The following CFAP77 variants were observed in gnomAD, a reference collection of about 807,000 sequenced individuals.
CFAP77 encodes the protein cilia and flagella associated protein 77, also known as cilia- and flagella-associated protein 77.
CFAP77 carries 25 observed loss-of-function variants against 31.1 expected under a neutral mutation model. The observed-to-expected ratio is 0.80, with a 90% CI of 0.59 to 1.12. The LOEUF (loss-of-function observed/expected upper bound fraction) is 1.12. Ranked by LOEUF, CFAP77 falls within the 50% of genes most tolerant of loss-of-function variation. CFAP77 has a pLI of 0.00. For synonymous variants in CFAP77, 151 were observed against 159.9 expected, an observed-to-expected ratio of 0.94 and a Z score of 0.42; for missense variants, 377 against 397.3, an observed-to-expected ratio of 0.95 and a Z score of 0.44.
At chr9:132,555,756 G>A (rs981622441) in intron 5 of CFAP77, among the ~76,000 whole-genome samples, 4 of 152,072 alleles carry the variant, frequency 2.6e-5, no homozygotes, top group Non-Finnish European at 5.9e-5. Context: ...ACACCCCCCA[G>A]CCCTGTGTGG....
At chr9:132,456,770 A>G (rs544625591) in intron 1 of CFAP77, among the ~76,000 whole-genome samples, 39 of 150,820 alleles carry the variant, frequency 2.6e-4, no homozygotes, top group Non-Finnish European at 4.7e-4. Context: ...TTTTTTTTTG[A>G]GACACGGTCA....
chr9:132,493,826 G>T (rs1470229163), intron 1 of CFAP77, among the ~76,000 whole-genome samples: 3 of 152,120 alleles, frequency 2.0e-5, no homozygotes, highest in Non-Finnish European at 4.4e-5. Context: ...CATTCTCAGA[G>T]TTTCTTTTTT....
rs1452224939 is a variant in CFAP77 at position 132,490,048 on chromosome 9, G to T, written c.196-8647G>T. Among the ~76,000 whole-genome samples the T allele has an allele frequency of 6.6e-6, 1 of 152,160 alleles. No individual in the cohort carries two copies. The highest frequency in any genetic ancestry group is 1.5e-5 in the Non-Finnish European group (1 of 68,024). Reference sequence around the variant, plus strand: ...GGTTTCTGTGTCTGGTGAGAGCCTAGTCTTTGCTTCCAAGATGGTGCCTTG... The same window carrying T: ...GGTTTCTGTGTCTGGTGAGAGCCTATTCTTTGCTTCCAAGATGGTGCCTTG... On this transcript the variant is annotated intron_variant, in intron 1 of 5. Coordinates refer to ENST00000393216, the MANE Select transcript of CFAP77 (RefSeq NM_001282957.2). The surrounding 1 kb of genome is among the most constrained non-coding windows in gnomAD (Gnocchi z 4.6).
rs1850282413 is a variant in CFAP77, at chr9:132,424,576, G to A, written c.195+14110G>A. On this transcript the variant is annotated intron_variant, in intron 1 of 5. Transcript: ENST00000393216. This position sits in a 1 kb window ranked among gnomAD's most constrained non-coding sequence, Gnocchi z 4.1. Reference sequence around the variant, plus strand: ...GTGCATTTTTAGGGGAAGTCTGGAGGAAGCACACTACCAAGAAGGCGGCAG... The same window carrying A: ...GTGCATTTTTAGGGGAAGTCTGGAGAAAGCACACTACCAAGAAGGCGGCAG... 6.6e-6 allele frequency among the ~76,000 whole-genome samples: 1 copy of A among 152,168 alleles called. No individual in the cohort carries two copies. Among genetic ancestry groups the A allele is most frequent in the South Asian group, 2.1e-4 (1 of 4,824 alleles).
intron 3 of CFAP77, among the ~76,000 whole-genome samples, chr9:132,519,476 A>G (rs1232343520): frequency 1.5e-4 from 1 of 6,630 alleles, no homozygotes; most frequent in African/African-American, 6.3e-4. Flanking sequence ...AGATGGATGG[A>G]TGGATGAGTG....
At chr9:132,526,378 C>T (rs571106882) in intron 3 of CFAP77, among the ~76,000 whole-genome samples, 63 of 151,494 alleles carry the variant, frequency 4.2e-4, no homozygotes, top group Non-Finnish European at 7.8e-4. Flanking sequence ...TACAGGTGCC[C>T]GCCACCACGC....
intron 1 of CFAP77, among the ~76,000 whole-genome samples, chr9:132,425,998 A>G (rs975167734): frequency 1.3e-5 from 2 of 152,200 alleles, no homozygotes; most frequent in African/African-American, 4.8e-5. Flanking sequence ...AATCTACATG[A>G]AAGTGACTTG....
intron 5 of CFAP77, among the ~76,000 whole-genome samples, chr9:132,553,054 A>G (rs879311790): frequency 1.6e-4 from 25 of 152,180 alleles, no homozygotes; most frequent in African/African-American, 2.2e-4. Context: ...TCTGGAGACT[A>G]TAAGTCCAAG....
intron 1 of CFAP77, among the ~76,000 whole-genome samples, chr9:132,440,819 T>A (rs868102514): frequency 2.0e-5 from 3 of 152,102 alleles, no homozygotes; most frequent in Admixed American, 1.3e-4. Flanking sequence ...TGGTAGACAA[T>A]GGATCTGAAC....
intron 1 of CFAP77, among the ~76,000 whole-genome samples, chr9:132,466,276 C>A (rs147166456): frequency 2.0e-5 from 3 of 152,144 alleles, no homozygotes; most frequent in Middle Eastern, 3.2e-3. Context: ...TTCTAGAGAG[C>A]AGCTGGGGTT....
chr9:132,551,611 T>C (rs1056649641), intron 5 of CFAP77, among the ~76,000 whole-genome samples: 2 of 152,264 alleles, frequency 1.3e-5, no homozygotes, highest in Non-Finnish European at 2.9e-5. Context: ...CTGGGTGCTT[T>C]CGTGAGTTAT....
chr9:132,550,519 CTTTTT>C (rs766424349), intron 5 of CFAP77, among the ~76,000 whole-genome samples: 4 of 102,822 alleles, frequency 3.9e-5, no homozygotes, highest in South Asian at 3.7e-4. Context: ...TCCCTTGAAG[CTTTTT>C]TTTTTTTTTT....
chr9:132,429,017 ACCTCTGT>A, intron 1 of CFAP77, among the ~76,000 whole-genome samples: 1 of 151,672 alleles, frequency 6.6e-6, no homozygotes, highest in Admixed American at 6.6e-5. Flanking sequence ...TGAACTGGGG[ACCTCTGT>A]CTTGTTTTCT....
At position 132,464,547 on chromosome 9, in the gene CFAP77, T is replaced by C. The variant is rs115764766; in HGVS notation, c.196-34148T>C. On this transcript the variant is annotated intron_variant, in intron 1 of 5. Transcript: ENST00000393216. ...AAGAAACAAGGGAAATTAATTTTAA[T>C]GACATATTATTTAACCCACTATGTC... is the stretch of plus-strand genomic sequence containing the variant. Among the ~76,000 whole-genome samples the C allele has an allele frequency of 5.0e-3, 769 of 152,284 alleles. 5 individuals carry two copies. The highest frequency in any genetic ancestry group is 0.018 in the African/African-American group (740 of 41,570).
intron 1 of CFAP77, among the ~76,000 whole-genome samples, chr9:132,428,750 T>C (rs1589844502): frequency 6.6e-6 from 1 of 151,966 alleles, no homozygotes; most frequent in Non-Finnish European, 1.5e-5. Flanking sequence ...ATAGTCTGGG[T>C]TTTGAGACTA....
rs148460570 is a variant in CFAP77 at position 132,444,954 on chromosome 9, C to G, written c.195+34488C>G. Among the ~76,000 whole-genome samples, 208 of 151,312 alleles carry G rather than the reference C, an allele frequency of 1.4e-3. 1 individual carries two copies. The highest frequency in any genetic ancestry group is 4.9e-3 in the African/African-American group (202 of 41,232). ...CCCCCTCCACCAGCCCCTAGCAACA[C>G]TGTCCTATTTTCTTTCTTTCTTTTT... On this transcript the variant is annotated intron_variant, in intron 1 of 5. Coordinates refer to ENST00000393216, the MANE Select transcript of CFAP77 (RefSeq NM_001282957.2).
chr9:132,557,898 G>A (rs1316298728), intron 5 of CFAP77, among the ~76,000 whole-genome samples: 2 of 151,392 alleles, frequency 1.3e-5, no homozygotes, highest in East Asian at 1.9e-4. Flanking sequence ...CTCCTCCCCC[G>A]GTTCTGAGTT....
intron 3 of CFAP77, among the ~76,000 whole-genome samples, chr9:132,502,277 T>TGGG (rs140877509): frequency 0.17 from 21,203 of 123,038 alleles, 2,194 homozygotes; most frequent in African/African-American, 0.31. Flanking sequence ...TTTTTTTTTT[T>TGGG]GGGGGAGGGG....
chr9:132,419,869 A>G (rs1199067456), intron 1 of CFAP77, among the ~76,000 whole-genome samples: 1 of 152,196 alleles, frequency 6.6e-6, no homozygotes, highest in African/African-American at 2.4e-5. Flanking sequence ...ATAAGTTATT[A>G]AAAGTGGGTG....
Sources: gnomAD v4.1 joint callset for allele counts (sites outside exome capture counted in the v4.1 genomes callset) on GRCh38, gnomAD v4.1.1 for gene constraint, Gnocchi (gnomAD v3.1) non-coding constraint, MANE v1.5 for transcripts, NCBI Gene and HGNC (gene_info 2026-07-23, HGNC 2026-07-21) for gene names.